FCMR: variants seen among roughly 807,000 people sequenced by gnomAD.
The protein encoded by FCMR is immunoglobulin mu Fc receptor.
FCMR carries 34 observed loss-of-function variants against 41.6 expected under a neutral mutation model. That is an observed-to-expected ratio of 0.82 (90% CI 0.62 to 1.09). The LOEUF is 1.09. Among genes scored for constraint, FCMR ranks in the 50% least tolerant of loss-of-function variants. FCMR has a pLI of 0.00. For missense variants in FCMR, 496 were observed against 512.5 expected (o/e 0.97, Z 0.31); for synonymous variants, 209 against 211.8 (o/e 0.99, Z 0.12).
Position 206,909,771 on chromosome 1 carries a change from G to A in FCMR, c.939C>T (p.Asn313=), listed in dbSNP as rs747819766. The change falls in exon 6 of 8, where the codon AAC becomes AAT. Residue 313 remains asparagine, a synonymous_variant. Coordinates refer to ENST00000367091, the MANE Select transcript of FCMR (RefSeq NM_005449.5). This position sits in a 1 kb window ranked among gnomAD's most constrained non-coding sequence, Gnocchi z 5.0. ...CGCGCCGCGGGCAGGCGCTGTAGAT[G>A]TTGTTTTGGGAGCGCGGTCGCGGCG... ...RGSPRPRSQN[N]IYSACPRRAR... 4.9e-5 allele frequency: 72 copies of A among 1,462,000 alleles called. No homozygotes were observed. The highest frequency in any genetic ancestry group is 6.0e-5 in the Non-Finnish European group (67 of 1,116,276). The allele number at this position is 1,462,000 out of a possible 1,614,324, so 90.6% of individuals were successfully genotyped here. A position where few individuals can be genotyped will look rare whatever the true frequency, so the allele number is the denominator to read the frequency against.
chr1:206,913,070 T>C (rs1408968989), intron 2 of FCMR, 28 bp from the exon 3 acceptor site: 2 of 1,558,212 alleles, frequency 1.3e-6, no homozygotes, highest in Non-Finnish European at 1.8e-6. Context: ...AATATGTTGG[T>C]GGTCTCTAGG....
chr1:206,914,210 C>T (rs1679078117), intron 1 of FCMR, 116 bp from the exon 2 acceptor site: 3 of 723,858 alleles, frequency 4.1e-6, no homozygotes, highest in Non-Finnish European at 7.0e-6. Flanking sequence ...AGCCCAACCT[C>T]ACATTCATCC....
intron 7 of FCMR, 90 bp from the exon 8 acceptor site, chr1:206,905,237 G>T: frequency 6.9e-7 from 1 of 1,440,146 alleles, no homozygotes; most frequent in Non-Finnish European, 9.6e-7. Context: ...AATGGGGCAT[G>T]GACATGGCTG....
At position 206,909,536 on chromosome 1, in the gene FCMR, G is replaced by A; in HGVS notation, c.986-16C>T. ...TCCCCTGTGCCTAGGGAACAGCGAG[G>A]GCGAGGTGAGGCGGCGGCCGAGGCT... is the stretch of plus-strand genomic sequence containing the variant. On this transcript the variant is annotated splice_polypyrimidine_tract_variant and intron_variant, in intron 6 of 7. Transcript: ENST00000367091. The surrounding 1 kb of genome is among the most constrained non-coding windows in gnomAD (Gnocchi z 5.0). 7.5e-7 allele frequency: 1 copy of A among 1,327,504 alleles called. No homozygotes were observed. Among genetic ancestry groups the A allele is most frequent in the South Asian group, 2.0e-5 (1 of 49,734 alleles). 82.2% of individuals were successfully genotyped at this position (1,327,504 alleles called of 1,614,324 possible).
intron 7 of FCMR, chr1:206,907,871 G>C: frequency 2.3e-6 from 3 of 1,328,626 alleles, no homozygotes; most frequent in Non-Finnish European, 3.2e-6. Context: ...GCACAAGTAC[G>C]AGGCTTGCTG....
intron 2 of FCMR, 192 bp downstream of exon 2, chr1:206,913,567 T>C: frequency 1.7e-6 from 1 of 602,758 alleles, no homozygotes; most frequent in South Asian, 2.1e-5. Flanking sequence ...TTTTCATACA[T>C]GTTGGGTAGA....
chr1:206,913,786 G>A lies in FCMR; in HGVS notation c.346C>T (p.Gln116Ter). 1 of 1,614,126 alleles carries A rather than the reference G, an allele frequency of 6.2e-7. No homozygotes were observed. The highest frequency in any genetic ancestry group is 8.5e-7 in the Non-Finnish European group (1 of 1,179,984). ...CTGTGGACATTCAGGGTGACTTTCTGGGTCTTTCCCCGGTCTGTGTTCATG... is the reference window on the plus strand; with the variant it reads ...CTGTGGACATTCAGGGTGACTTTCTAGGTCTTTCCCCGGTCTGTGTTCATG... ...AGMNTDRGKT[Q>*]KVTLNVHSEY... Residue 116 changes from glutamine to a stop codon, truncating the protein, a stop_gained, in exon 2 of 8, where the codon CAG becomes TAG. Coordinates refer to ENST00000367091, the MANE Select transcript of FCMR (RefSeq NM_005449.5). LOFTEE classifies it high-confidence loss of function.
At chr1:206,919,125 A>G (rs1174543003) in intron 1 of FCMR, among the ~76,000 whole-genome samples, 1 of 152,112 alleles carries the variant, frequency 6.6e-6, no homozygotes, top group Non-Finnish European at 1.5e-5. Context: ...TATACATAGT[A>G]GATACCCCAG....
intron 1 of FCMR, 51 bp from the exon 2 acceptor site, chr1:206,914,145 C>T (rs1679075102): frequency 7.1e-7 from 1 of 1,406,394 alleles, no homozygotes; most frequent in African/African-American, 1.4e-5. Context: ...TAACTATATC[C>T]CAGCCCCATC....
chr1:206,910,052 C>G, intron 5 of FCMR, 158 bp downstream of exon 5: 2 of 1,122,106 alleles, frequency 1.8e-6, no homozygotes, highest in Non-Finnish European at 1.2e-6. Flanking sequence ...CCAGGCCGCT[C>G]TCCTCCTCAG....
At chr1:206,914,972 C>G (rs182255282) in intron 1 of FCMR, among the ~76,000 whole-genome samples, 61 of 152,338 alleles carry the variant, frequency 4.0e-4, no homozygotes, top group African/African-American at 1.1e-3. Flanking sequence ...TGACCCCAAA[C>G]AGCATAGAGC....
intron 7 of FCMR, chr1:206,908,119 T>C (rs1233668518): frequency 1.3e-5 from 16 of 1,247,142 alleles, no homozygotes; most frequent in Non-Finnish European, 1.5e-5. Context: ...CAAGTTCCAC[T>C]ACAGGAAGAA....
intron 1 of FCMR, among the ~76,000 whole-genome samples, chr1:206,916,790 G>T (rs1424929746): frequency 6.6e-6 from 1 of 152,224 alleles, no homozygotes; most frequent in African/African-American, 2.4e-5. Flanking sequence ...GAGGAGATTG[G>T]CTACGATGCA....
In FCMR at chr1:206,909,697, A is replaced by G. The variant is rs555432739; in HGVS notation, c.985+28T>C. On this transcript the variant is annotated intron_variant, in intron 6 of 7. Transcript: ENST00000367091. This position sits in a 1 kb window ranked among gnomAD's most constrained non-coding sequence, Gnocchi z 5.0. ...CCGGAGCCAGCGCACTCTTTCCGCTACTCCCCGTGGCCCGCCCGGCGGCTC... is the reference window on the plus strand; with the variant it reads ...CCGGAGCCAGCGCACTCTTTCCGCTGCTCCCCGTGGCCCGCCCGGCGGCTC... The G allele has an allele frequency of 2.9e-4, 411 of 1,393,268 alleles. 8 individuals carry two copies. In the South Asian group the frequency reaches 6.0e-3, roughly 20 times the overall value. 86.3% of individuals were successfully genotyped at this position (1,393,268 alleles called of 1,614,324 possible). A position where few individuals can be genotyped will look rare whatever the true frequency, so the allele number is the denominator to read the frequency against.
In FCMR at chr1:206,909,974, C is replaced by T. The variant is rs182357489; in HGVS notation, c.842-106G>A. 2 of 1,263,956 alleles carry T rather than the reference C, an allele frequency of 1.6e-6. No homozygotes were observed. The highest frequency in any genetic ancestry group is 3.1e-5 in the East Asian group (1 of 31,958). 78.3% of individuals were successfully genotyped at this position (1,263,956 alleles called of 1,614,324 possible). ...CTCCCTCGGGCTTGGCAGTGTCTGA[C>T]CTGGAGATGCTCCAAGCGTGGGGAA... On this transcript the variant is annotated intron_variant, in intron 5 of 7. Coordinates refer to ENST00000367091, the MANE Select transcript of FCMR (RefSeq NM_005449.5). The surrounding 1 kb of genome is among the most constrained non-coding windows in gnomAD (Gnocchi z 5.0).
chr1:206,905,149 T>C lies in FCMR; in HGVS notation c.1045-2A>G, dbSNP rs1678569949. On this transcript the variant is annotated splice_acceptor_variant, in intron 7 of 7. Transcript: ENST00000367091. LOFTEE classifies it high-confidence loss of function. ...ATGGAGCCAGGGAGATTCAGACACC[T>C]GGGGACAATGAAAGAAGCATCACTG... 1 of 1,613,968 alleles carries C rather than the reference T, an allele frequency of 6.2e-7. No homozygotes were observed. Among genetic ancestry groups the C allele is most frequent in the East Asian group, 2.2e-5 (1 of 44,876 alleles).
intron 7 of FCMR, among the ~76,000 whole-genome samples, chr1:206,906,990 C>G (rs2102542317): frequency 6.6e-6 from 1 of 150,646 alleles, no homozygotes; most frequent in Admixed American, 6.6e-5. Context: ...TGAGTACTTA[C>G]TGAATGCCTA....
In FCMR at chr1:206,904,738, G is replaced by C. The variant is rs929006580; in HGVS notation, c.*281C>G. 3.5e-5 allele frequency: 14 copies of C among 402,362 alleles called. No homozygotes were observed. Among genetic ancestry groups the C allele is most frequent in the African/African-American group, 2.9e-4 (14 of 49,046 alleles). The allele number at this position is 402,362 out of a possible 1,614,324, so 24.9% of individuals were successfully genotyped here. A position where few individuals can be genotyped will look rare whatever the true frequency, so the allele number is the denominator to read the frequency against. ...GAAGAAACACTCTGCAAATCCCACA[G>C]TCTGTTCGACGGCTTGGAAAGGAAG... On this transcript the variant is annotated 3_prime_UTR_variant, in exon 8 of 8. Coordinates refer to ENST00000367091, the MANE Select transcript of FCMR (RefSeq NM_005449.5).
intron 7 of FCMR, among the ~76,000 whole-genome samples, chr1:206,908,843 T>TA (rs1187424454): frequency 1.3e-5 from 2 of 152,192 alleles, no homozygotes; most frequent in Non-Finnish European, 2.9e-5. Flanking sequence ...TCTCAATTCT[T>TA]AAAGATGAAC....
Sources: gnomAD v4.1 joint callset for allele counts (sites outside exome capture counted in the v4.1 genomes callset) on GRCh38, gnomAD v4.1.1 for gene constraint, Gnocchi (gnomAD v3.1) non-coding constraint, MANE v1.5 for transcripts, NCBI Gene and HGNC (gene_info 2026-07-23, HGNC 2026-07-21) for gene names.